Variants in PRKD1 observed in about 807,000 individuals in gnomAD.
The protein encoded by PRKD1 is serine/threonine-protein kinase D1.
PRKD1 carries 63 observed loss-of-function variants against 95.9 expected under a neutral mutation model. The observed-to-expected ratio is 0.66, with a 90% CI of 0.54 to 0.81. The LOEUF is 0.81. PRKD1 is among the 30% of genes least tolerant of loss of function. The pLI, the probability that PRKD1 is intolerant of heterozygous loss-of-function variation, is 0.00. For missense variants in PRKD1, 1,048 were observed against 1,165.3 expected (o/e 0.90, Z 1.47); for synonymous variants, 425 against 423.1 (o/e 1.00, Z -0.05).
At chr14:29,642,113 G>C (rs1314485374) in intron 4 of PRKD1, among the ~76,000 whole-genome samples, 1 of 151,886 alleles carries the variant, frequency 6.6e-6, no homozygotes, top group Non-Finnish European at 1.5e-5. Context: ...ATGTTCGTCA[G>C]GCTGGTCTCG....
At chr14:29,796,356 T>C (rs1019891840) in intron 1 of PRKD1, among the ~76,000 whole-genome samples, 4 of 152,170 alleles carry the variant, frequency 2.6e-5, no homozygotes, top group Non-Finnish European at 5.9e-5. Context: ...TATCACTTTA[T>C]TGATTCTTTT....
intron 1 of PRKD1, among the ~76,000 whole-genome samples, chr14:29,912,915 A>C (rs1894770456): frequency 6.6e-6 from 1 of 152,242 alleles, no homozygotes; most frequent in African/African-American, 2.4e-5. Flanking sequence ...TAAAGGTATT[A>C]TGTACCTCCA....
chr14:29,587,620 A>G (rs1385569260), intron 16 of PRKD1, among the ~76,000 whole-genome samples: 1 of 152,208 alleles, frequency 6.6e-6, no homozygotes, highest in Non-Finnish European at 1.5e-5. Flanking sequence ...AGAAAATCTC[A>G]TGAACTGTAT....
Position 29,578,410 on chromosome 14 carries a change from T to C in PRKD1, c.2435-50A>G, listed in dbSNP as rs768780120. On this transcript the variant is annotated intron_variant, in intron 16 of 17. Coordinates refer to ENST00000331968, the MANE Select transcript of PRKD1 (RefSeq NM_002742.3). ...AGATGACAAATCTGTAACATATGCA[T>C]AATTCATTTATAGTTTATTTCACAT... is the stretch of plus-strand genomic sequence containing the variant. 5 of 1,346,104 alleles carry C rather than the reference T, an allele frequency of 3.7e-6. No individual in the cohort carries two copies. In the South Asian group the frequency reaches 6.2e-5, roughly 17 times the overall value. The allele number at this position is 1,346,104 out of a possible 1,614,324, so 83.4% of individuals were successfully genotyped here.
intron 1 of PRKD1, among the ~76,000 whole-genome samples, chr14:29,745,906 A>G (rs116373283): frequency 0.015 from 2,330 of 152,304 alleles, 29 homozygotes; most frequent in African/African-American, 0.045. Context: ...AGGTTTGAAC[A>G]GATTATCTCT....
chr14:29,920,165 G>A (rs553333273), intron 1 of PRKD1, among the ~76,000 whole-genome samples: 7 of 149,650 alleles, frequency 4.7e-5, no homozygotes, highest in Middle Eastern at 3.4e-3. Context: ...AGGAAACAAG[G>A]AAGGAAGGAA....
At chr14:29,899,427 AC>A (rs1894244188) in intron 1 of PRKD1, among the ~76,000 whole-genome samples, 1 of 152,158 alleles carries the variant, frequency 6.6e-6, no homozygotes, top group Non-Finnish European at 1.5e-5. Flanking sequence ...TGCACAGATC[AC>A]TTAAGGCCCG....
At chr14:29,772,486 T>C (rs1191119888) in intron 1 of PRKD1, among the ~76,000 whole-genome samples, 1 of 152,232 alleles carries the variant, frequency 6.6e-6, no homozygotes, top group Non-Finnish European at 1.5e-5. Context: ...TCAAAGGTAT[T>C]TTGTTATAGC....
chr14:29,676,177 G>GTTTTTTTGTTTTT (rs147308040), intron 2 of PRKD1, among the ~76,000 whole-genome samples: 21 of 104,750 alleles, frequency 2.0e-4, no homozygotes, highest in Admixed American at 5.1e-4. Context: ...AGTTCATTAC[G>GTTTTTTTGTTTTT]TTTTTGTTTT....
intron 2 of PRKD1, among the ~76,000 whole-genome samples, chr14:29,670,737 C>T (rs976809076): frequency 6.6e-6 from 1 of 152,162 alleles, no homozygotes; most frequent in African/African-American, 2.4e-5. Flanking sequence ...CAAGGTTGGT[C>T]ATTTTTTCCT....
At chr14:29,624,122 C>T (rs893527648) in intron 13 of PRKD1, 30 bp downstream of exon 13, 2 of 1,498,270 alleles carry the variant, frequency 1.3e-6, no homozygotes, top group African/African-American at 1.4e-5. Flanking sequence ...ATTTTTATAC[C>T]CTTTCCCCAA....
At chr14:29,849,535 A>C (rs2139334648) in intron 1 of PRKD1, among the ~76,000 whole-genome samples, 1 of 152,082 alleles carries the variant, frequency 6.6e-6, no homozygotes, top group East Asian at 1.9e-4. Flanking sequence ...ACATGAGTTA[A>C]AAAACTGAAT....
chr14:29,861,354 C>T (rs1892702720), intron 1 of PRKD1, among the ~76,000 whole-genome samples: 1 of 152,092 alleles, frequency 6.6e-6, no homozygotes. Context: ...GATTTTATAC[C>T]ATACATAACC....
chr14:29,674,709 A>T (rs549910977), intron 2 of PRKD1, among the ~76,000 whole-genome samples: 1 of 152,362 alleles, frequency 6.6e-6, no homozygotes, highest in Non-Finnish European at 1.5e-5. Context: ...GACCTAATTT[A>T]CATGAGGAAC....
At chr14:29,656,969 T>G (rs45588032) in intron 4 of PRKD1, among the ~76,000 whole-genome samples, 4,119 of 152,304 alleles carry the variant, frequency 0.027, 189 homozygotes, top group African/African-American at 0.094. Flanking sequence ...GTTATCTGCT[T>G]GCAAGCAAGA....
intron 1 of PRKD1, among the ~76,000 whole-genome samples, chr14:29,912,977 T>C (rs1894773198): frequency 1.3e-5 from 2 of 152,254 alleles, no homozygotes; most frequent in African/African-American, 4.8e-5. Flanking sequence ...TGCTGTTTGA[T>C]ACAAATGCAC....
At chr14:29,785,008 A>C (rs1193260798) in intron 1 of PRKD1, among the ~76,000 whole-genome samples, 1 of 152,180 alleles carries the variant, frequency 6.6e-6, no homozygotes, top group African/African-American at 2.4e-5. Flanking sequence ...GCCAAATTCC[A>C]TCTCCTTTTA....
chr14:29,925,975 T>C (rs1895280853), intron 1 of PRKD1, among the ~76,000 whole-genome samples: 1 of 152,170 alleles, frequency 6.6e-6, no homozygotes, highest in African/African-American at 2.4e-5. Context: ...ACATCAGCAT[T>C]AGACAAAACG....
chr14:29,671,348 T>C (rs1208505545), intron 2 of PRKD1, among the ~76,000 whole-genome samples: 3 of 151,958 alleles, frequency 2.0e-5, no homozygotes, highest in Middle Eastern at 3.4e-3. Context: ...CAGAGTCAGG[T>C]TGAATGCAAG....
Sources: allele counts gnomAD v4.1 joint callset (sites outside exome capture counted in the v4.1 genomes callset), GRCh38; gene constraint gnomAD v4.1.1; transcripts MANE v1.5; gene names NCBI Gene and HGNC (gene_info 2026-07-23, HGNC 2026-07-21).